CDC42BPB: variants seen among roughly 807,000 people sequenced by gnomAD.
CDC42BPB encodes serine/threonine-protein kinase MRCK beta.
A neutral mutation model predicts 214.9 loss-of-function variants in CDC42BPB; 37 were observed. The ratio of observed to expected loss-of-function variants is 0.17; its 90% CI spans 0.13 to 0.23. The LOEUF (loss-of-function observed/expected upper bound fraction) is 0.23. Among genes scored for constraint, CDC42BPB ranks in the 10% least tolerant of loss-of-function variants. The pLI, the probability that CDC42BPB is intolerant of heterozygous loss-of-function variation, is 1.00. For missense variants in CDC42BPB, 1,694 were observed against 2,227.0 expected (o/e 0.76, Z 4.82); for synonymous variants, 931 against 884.0 (o/e 1.05, Z -0.94).
chr14:102,949,493 CCT>C (rs913923976), intron 26 of CDC42BPB, among the ~76,000 whole-genome samples: 3 of 152,028 alleles, frequency 2.0e-5, no homozygotes, highest in Non-Finnish European at 4.4e-5. Flanking sequence ...AATTAATTCC[CCT>C]GTGGCAAACT....
intron 1 of CDC42BPB, among the ~76,000 whole-genome samples, chr14:103,053,300 T>C (rs1888714630): frequency 6.6e-6 from 1 of 150,918 alleles, no homozygotes; most frequent in Non-Finnish European, 1.5e-5. Flanking sequence ...TGAGCCAAGA[T>C]CGCACCACTG....
rs531989317 is a variant in CDC42BPB at position 103,001,558 on chromosome 14, G to T, written c.448-1845C>A. 6.6e-6 allele frequency among the ~76,000 whole-genome samples: 1 copy of T among 152,210 alleles called. No individual in the cohort carries two copies. The highest frequency in any genetic ancestry group is 1.5e-5 in the Non-Finnish European group (1 of 68,028). ...AAGGGGAGGGCCGGCCACAGTGGGG[G>T]CTGCAGCCCCACACTCAGAGCAGTG... On this transcript the variant is annotated intron_variant, in intron 4 of 36. Coordinates refer to ENST00000361246, the MANE Select transcript of CDC42BPB (RefSeq NM_006035.4). This position sits in a 1 kb window ranked among gnomAD's most constrained non-coding sequence, Gnocchi z 5.8.
intron 7 of CDC42BPB, among the ~76,000 whole-genome samples, chr14:102,982,595 CCT>C (rs983608936): frequency 2.0e-5 from 3 of 152,140 alleles, no homozygotes; most frequent in Admixed American, 1.3e-4. Flanking sequence ...ATGGTGAAAC[CCT>C]GTCTCTACTA....
At chr14:103,047,279 C>CAAA (rs397852207) in intron 1 of CDC42BPB, among the ~76,000 whole-genome samples, 1 of 93,460 alleles carries the variant, frequency 1.1e-5, no homozygotes. Flanking sequence ...GTAATACTCT[C>CAAA]AAAAAAAAAA....
Position 103,009,959 on chromosome 14 carries a change from T to C in CDC42BPB, c.268-1404A>G, listed in dbSNP as rs550763566. Among the ~76,000 whole-genome samples, 408 of 152,186 alleles carry C rather than the reference T, an allele frequency of 2.7e-3. 3 individuals carry two copies. The highest frequency in any genetic ancestry group is 9.3e-3 in the African/African-American group (388 of 41,524). The stretch of plus-strand genomic sequence containing the variant: ...GAGTTTGAGACTAGCCTGGGCAACA[T>C]AGCAAGATCCCTGTCTCTACTAAAA... On this transcript the variant is annotated intron_variant, in intron 2 of 36. Transcript: ENST00000361246.
chr14:102,965,577 T>C (rs1398354100), intron 18 of CDC42BPB, among the ~76,000 whole-genome samples: 1 of 152,178 alleles, frequency 6.6e-6, no homozygotes, highest in Non-Finnish European at 1.5e-5. Flanking sequence ...TTGCTGTTTT[T>C]TCTTTTTTAA....
chr14:103,037,627 C>T (rs1370779289), intron 1 of CDC42BPB, among the ~76,000 whole-genome samples: 1 of 152,114 alleles, frequency 6.6e-6, no homozygotes, highest in Non-Finnish European at 1.5e-5. Flanking sequence ...CACAGAAAAC[C>T]GCAGCTCAGC....
chr14:102,988,887 A>AC (rs56694145), intron 5 of CDC42BPB, among the ~76,000 whole-genome samples: 1 of 150,524 alleles, frequency 6.6e-6, no homozygotes, highest in Non-Finnish European at 1.5e-5. Context: ...AAAAAAAAAA[A>AC]CAAACAAACC....
intron 12 of CDC42BPB, among the ~76,000 whole-genome samples, chr14:102,972,726 A>G (rs1370359935): frequency 8.5e-6 from 1 of 117,462 alleles, no homozygotes; most frequent in South Asian, 2.8e-4. Flanking sequence ...AAAAAAAAAA[A>G]AAAAAAAAAA....
Position 102,947,632 on chromosome 14 carries a change from C to T in CDC42BPB, c.3531+89G>A, listed in dbSNP as rs1273315475. On this transcript the variant is annotated intron_variant, in intron 27 of 36. Coordinates refer to ENST00000361246, the MANE Select transcript of CDC42BPB (RefSeq NM_006035.4). Reference sequence around the variant, plus strand: ...AGACCCTAGGGCCACACTGGAGGTGCGCTGATGGCTGCCGCAGCACAATGA... The same window carrying T: ...AGACCCTAGGGCCACACTGGAGGTGTGCTGATGGCTGCCGCAGCACAATGA... 40 of 1,157,802 alleles carry T rather than the reference C, an allele frequency of 3.5e-5. No individual in the cohort carries two copies. The East Asian group carries it at 6.3e-4, about 18-fold the overall frequency. The allele number at this position is 1,157,802 out of a possible 1,614,324, so 71.7% of individuals were successfully genotyped here.
At chr14:102,939,465 G>A (rs183276130) in intron 34 of CDC42BPB, 145 bp downstream of exon 34, 29 of 657,758 alleles carry the variant, frequency 4.4e-5, no homozygotes, top group Admixed American at 2.3e-4. Flanking sequence ...CAGCGGAGAC[G>A]GGCTTGTGTG....
chr14:102,934,851 CA>C (rs570829860), intron 36 of CDC42BPB, among the ~76,000 whole-genome samples: 4 of 149,494 alleles, frequency 2.7e-5, no homozygotes, highest in Non-Finnish European at 3.0e-5. Context: ...GCTAAAAATA[CA>C]AAAAAAAATT....
intron 5 of CDC42BPB, among the ~76,000 whole-genome samples, chr14:102,996,465 T>C (rs1439054046): frequency 6.6e-6 from 1 of 152,204 alleles, no homozygotes; most frequent in Non-Finnish European, 1.5e-5. Context: ...TATTTCTCTA[T>C]TGTGAATTAA....
intron 26 of CDC42BPB, among the ~76,000 whole-genome samples, chr14:102,948,744 G>A (rs1892339447): frequency 6.7e-6 from 1 of 150,196 alleles, no homozygotes; most frequent in Admixed American, 6.6e-5. Context: ...CGGGGTGTGG[G>A]ATCAGTGTGG....
intron 5 of CDC42BPB, among the ~76,000 whole-genome samples, chr14:102,987,790 C>CACACAA (rs1232363522): frequency 2.2e-5 from 3 of 135,492 alleles, no homozygotes; most frequent in East Asian, 2.1e-4. Context: ...AACACACAAA[C>CACACAA]ACACACACAC....
At chr14:103,049,392 G>C in intron 1 of CDC42BPB, among the ~76,000 whole-genome samples, 1 of 152,208 alleles carries the variant, frequency 6.6e-6, no homozygotes, top group East Asian at 1.9e-4. Context: ...TGTCCAACTA[G>C]CACTGACTGC....
In CDC42BPB at chr14:102,973,659, C is replaced by T. The variant is rs143442874; in HGVS notation, c.1641+357G>A. Among the ~76,000 whole-genome samples, 754 of 152,316 alleles carry T rather than the reference C, an allele frequency of 5.0e-3. 5 individuals are homozygous for T. Among genetic ancestry groups the T allele is most frequent in the African/African-American group, 6.0e-3 (250 of 41,580 alleles). ...GTGGACGGCCACCATGCCCTGTGCACGGCCACCATGCCCTATCGACATCTT... is the reference window on the plus strand; with the variant it reads ...GTGGACGGCCACCATGCCCTGTGCATGGCCACCATGCCCTATCGACATCTT... On this transcript the variant is annotated intron_variant, in intron 12 of 36. Coordinates refer to ENST00000361246, the MANE Select transcript of CDC42BPB (RefSeq NM_006035.4).
chr14:102,999,761 C>T (rs1237861061), intron 4 of CDC42BPB, 48 bp from the exon 5 acceptor site: 44 of 1,607,328 alleles, frequency 2.7e-5, no homozygotes, highest in Non-Finnish European at 3.4e-5. Context: ...TTAGTCACCA[C>T]TAAACCTGAC....
intron 5 of CDC42BPB, among the ~76,000 whole-genome samples, chr14:102,993,525 T>G (rs1894591758): frequency 6.7e-6 from 1 of 149,538 alleles, no homozygotes; most frequent in African/African-American, 2.5e-5. Flanking sequence ...GTTGGAAGGA[T>G]GAGAGGATGG....
Sources: allele counts gnomAD v4.1 joint callset (sites outside exome capture counted in the v4.1 genomes callset), GRCh38; gene constraint gnomAD v4.1.1; non-coding constraint Gnocchi (gnomAD v3.1); transcripts MANE v1.5; gene names NCBI Gene and HGNC (gene_info 2026-07-23, HGNC 2026-07-21).